The following RHOBTB1 variants were observed in gnomAD, a reference collection of about 807,000 sequenced individuals.
The protein encoded by RHOBTB1 is rho-related BTB domain-containing protein 1.
Under a neutral mutation model 71.6 loss-of-function variants are expected in RHOBTB1, and 40 were observed. The observed-to-expected ratio is 0.56, with a 90% CI of 0.43 to 0.73. The LOEUF is 0.73. Among genes scored for constraint, RHOBTB1 ranks in the 30% least tolerant of loss-of-function variants. The probability of loss-of-function intolerance (pLI) is 0.00; values close to 1 mark genes in which losing one functional copy is unlikely to be tolerated. For synonymous variants in RHOBTB1, 319 were observed against 334.9 expected, an observed-to-expected ratio of 0.95 and a Z score of 0.52; for missense variants, 797 against 894.0, an observed-to-expected ratio of 0.89 and a Z score of 1.38.
intron 2 of RHOBTB1, among the ~76,000 whole-genome samples, chr10:60,981,899 A>G: frequency 6.6e-6 from 1 of 151,960 alleles, no homozygotes. Context: ...CCTCCCAAGT[A>G]GCTGGGATTA....
Position 60,892,702 on chromosome 10 carries a change from G to C in RHOBTB1, c.482+108C>G, listed in dbSNP as rs117989854. The C allele has an allele frequency of 2.9e-3, 2,760 of 937,872 alleles. 83 individuals carry two copies. In the East Asian group the frequency reaches 0.064, roughly 22 times the overall value. 58.1% of individuals were successfully genotyped at this position (937,872 alleles called of 1,614,324 possible). On this transcript the variant is annotated intron_variant, in intron 5 of 10. Coordinates refer to ENST00000337910, the MANE Select transcript of RHOBTB1 (RefSeq NM_014836.5). Reference sequence around the variant, plus strand: ...GCTGACTTAAAACCCATGGCTGATTGATGGGATCCAGGAGTGTTGAAGAGC... The same window carrying C: ...GCTGACTTAAAACCCATGGCTGATTCATGGGATCCAGGAGTGTTGAAGAGC...
At chr10:60,883,560 C>G (rs562058281) in intron 7 of RHOBTB1, among the ~76,000 whole-genome samples, 18 of 152,164 alleles carry the variant, frequency 1.2e-4, no homozygotes, top group Non-Finnish European at 2.4e-4. Context: ...CTTCAGTGAG[C>G]TGGACAAAGA....
At chr10:60,949,870 C>T (rs933523230) in intron 2 of RHOBTB1, among the ~76,000 whole-genome samples, 3 of 152,144 alleles carry the variant, frequency 2.0e-5, no homozygotes, top group African/African-American at 4.8e-5. Context: ...TTACTGGGCA[C>T]CAATGAAATG....
downstream of RHOBTB1, among the ~76,000 whole-genome samples, chr10:60,868,901 C>G (rs569327249): frequency 1.3e-5 from 2 of 152,212 alleles, no homozygotes; most frequent in Non-Finnish European, 2.9e-5. Context: ...GTGGTCAGCA[C>G]CTTCCCATAC....
At chr10:60,872,090 C>T in intron 10 of RHOBTB1, 95 bp downstream of exon 10, 1 of 907,690 alleles carries the variant, frequency 1.1e-6, no homozygotes, top group Non-Finnish European at 1.8e-6. Context: ...CCATGAGCTG[C>T]CTGCTGACCA....
At chr10:60,959,553 T>C (rs1331688229) in intron 2 of RHOBTB1, among the ~76,000 whole-genome samples, 2 of 152,172 alleles carry the variant, frequency 1.3e-5, no homozygotes, top group East Asian at 1.9e-4. Flanking sequence ...CTGGCTGCTA[T>C]TGGCTGAAAC....
intron 4 of RHOBTB1, among the ~76,000 whole-genome samples, chr10:60,907,380 G>A (rs1375185189): frequency 6.6e-6 from 1 of 152,170 alleles, no homozygotes; most frequent in African/African-American, 2.4e-5. Flanking sequence ...TTTAAGAAGA[G>A]GCGCTTTCCT....
At chr10:60,978,214 C>T (rs545130052) in intron 2 of RHOBTB1, among the ~76,000 whole-genome samples, 4 of 152,162 alleles carry the variant, frequency 2.6e-5, no homozygotes, top group African/African-American at 7.2e-5. Flanking sequence ...TTTTTAATGG[C>T]GTCTTCAGAA....
At chr10:60,996,117 C>G (rs1404593373) in intron 1 of RHOBTB1, among the ~76,000 whole-genome samples, 2 of 152,168 alleles carry the variant, frequency 1.3e-5, no homozygotes, top group African/African-American at 4.8e-5. Flanking sequence ...AATGGAGGAG[C>G]TCTTACCAGG....
At chr10:60,942,190 G>C (rs1308817446) in intron 1 of RHOBTB1, among the ~76,000 whole-genome samples, 4 of 152,134 alleles carry the variant, frequency 2.6e-5, no homozygotes, top group African/African-American at 9.7e-5. Flanking sequence ...TTACAATACA[G>C]AACTCATAGA....
intron 9 of RHOBTB1, among the ~76,000 whole-genome samples, chr10:60,874,378 T>C (rs1046168956): frequency 5.9e-5 from 9 of 152,212 alleles, no homozygotes; most frequent in Non-Finnish European, 1.0e-4. Flanking sequence ...CAAACTGTCA[T>C]CCCATTTCCT....
At chr10:60,950,204 CTAGAA>C (rs1446026832) in intron 2 of RHOBTB1, among the ~76,000 whole-genome samples, 1 of 151,908 alleles carries the variant, frequency 6.6e-6, no homozygotes, top group Non-Finnish European at 1.5e-5. Context: ...TGTCACAACT[CTAGAA>C]AAGAAAAAGA....
chr10:60,907,107 G>A (rs1021417301), intron 4 of RHOBTB1, among the ~76,000 whole-genome samples: 1 of 152,160 alleles, frequency 6.6e-6, no homozygotes, highest in Non-Finnish European at 1.5e-5. Context: ...CTCCTCCTTT[G>A]CCTTCTGCCA....
At chr10:60,913,145 A>G (rs2083079906) in intron 2 of RHOBTB1, among the ~76,000 whole-genome samples, 1 of 152,220 alleles carries the variant, frequency 6.6e-6, no homozygotes, top group Admixed American at 6.5e-5. Context: ...ATTAAGAAGA[A>G]TTCTTTTTCA....
intron 2 of RHOBTB1, among the ~76,000 whole-genome samples, chr10:60,973,073 A>G (rs940211557): frequency 1.3e-5 from 2 of 152,092 alleles, no homozygotes; most frequent in Non-Finnish European, 2.9e-5. Context: ...GCATATCATT[A>G]TATAGTATGT....
intron 2 of RHOBTB1, among the ~76,000 whole-genome samples, chr10:60,912,220 T>A (rs2083024110): frequency 6.6e-6 from 1 of 151,542 alleles, no homozygotes; most frequent in Non-Finnish European, 1.5e-5. Flanking sequence ...TATGTGTATA[T>A]ATATACACAC....
chr10:60,888,109 T>C, intron 6 of RHOBTB1, 103 bp downstream of exon 6: 1 of 1,297,992 alleles, frequency 7.7e-7, no homozygotes, highest in Non-Finnish European at 1.1e-6. Context: ...AATAAGTACG[T>C]ATAAATGTTA....
chr10:60,930,306 C>T lies in RHOBTB1; in HGVS notation c.-11+11498G>A, dbSNP rs566112415. Among the ~76,000 whole-genome samples, 11 of 152,222 alleles carry T rather than the reference C, an allele frequency of 7.2e-5. No homozygotes were observed. In the South Asian group the frequency reaches 2.3e-3, roughly 32 times the overall value. On this transcript the variant is annotated intron_variant, in intron 2 of 10. Transcript: ENST00000337910. ...AACTGGGGATAATTATCTCCTTCCA[C>T]GGATTGTTGTGAAGATTATATTAGA...
chr10:60,934,641 G>T (rs1007677057), intron 2 of RHOBTB1, among the ~76,000 whole-genome samples: 2 of 152,202 alleles, frequency 1.3e-5, no homozygotes, highest in Non-Finnish European at 2.9e-5. Flanking sequence ...AGGGAAACAA[G>T]TTCCTTTACT....
Sources: allele counts gnomAD v4.1 joint callset (sites outside exome capture counted in the v4.1 genomes callset), GRCh38; gene constraint gnomAD v4.1.1; transcripts MANE v1.5; gene names NCBI Gene and HGNC (gene_info 2026-07-23, HGNC 2026-07-21).